ZMYM2: variants seen among roughly 807,000 people sequenced by gnomAD.
ZMYM2 encodes zinc finger MYM-type protein 2.
A neutral mutation model predicts 162.8 loss-of-function variants in ZMYM2; 56 were observed. That is an observed-to-expected ratio of 0.34 (90% CI 0.28 to 0.43). The LOEUF is 0.43. Among genes scored for constraint, ZMYM2 ranks in the 20% least tolerant of loss-of-function variants. ZMYM2 has a pLI of 1.00. For missense variants in ZMYM2, 1,275 were observed against 1,621.8 expected (o/e 0.79, Z 3.67); for synonymous variants, 510 against 541.6 (o/e 0.94, Z 0.81).
chr13:20,068,905 A>T (rs1355547628), intron 21 of ZMYM2, among the ~76,000 whole-genome samples: 1 of 152,064 alleles, frequency 6.6e-6, no homozygotes, highest in Non-Finnish European at 1.5e-5. Context: ...TTATGTATGG[A>T]ATTTCATTTA....
chr13:20,052,377 C>T (rs775831181), intron 14 of ZMYM2, 66 bp downstream of exon 14: 17 of 1,429,952 alleles, frequency 1.2e-5, no homozygotes, highest in Non-Finnish European at 1.5e-5. Context: ...AATAATTAGG[C>T]CAATTTAATG....
intron 14 of ZMYM2, among the ~76,000 whole-genome samples, chr13:20,055,986 A>G (rs534048495): frequency 1.3e-5 from 2 of 152,322 alleles, no homozygotes; most frequent in African/African-American, 4.8e-5. Context: ...AATACCTACG[A>G]AGTGTTATAC....
chr13:20,001,145 A>G (rs1439711598), intron 3 of ZMYM2, among the ~76,000 whole-genome samples: 3 of 152,222 alleles, frequency 2.0e-5, no homozygotes, highest in Non-Finnish European at 4.4e-5. Context: ...TAATCCCAGC[A>G]CTTTGGGTGA....
intron 12 of ZMYM2, among the ~76,000 whole-genome samples, chr13:20,050,604 CTT>C (rs1475653759): frequency 1.4e-4 from 21 of 151,996 alleles, no homozygotes; most frequent in Admixed American, 7.2e-4. Flanking sequence ...AGATACATCA[CTT>C]ATATTTTCGT....
chr13:20,075,760 C>T (rs1957452028), intron 21 of ZMYM2, among the ~76,000 whole-genome samples: 1 of 136,840 alleles, frequency 7.3e-6, no homozygotes, highest in South Asian at 2.3e-4. Context: ...CGGCTTAATG[C>T]AATCTCCGCT....
intron 2 of ZMYM2, among the ~76,000 whole-genome samples, chr13:19,966,127 TTTTTGTTTTG>T (rs201021332): frequency 1.4e-4 from 21 of 147,496 alleles, no homozygotes; most frequent in South Asian, 4.3e-4. Context: ...TTTTTTTTTG[TTTTTGTTTTG>T]TTTTGTTTTG....
intron 10 of ZMYM2, among the ~76,000 whole-genome samples, chr13:20,033,180 A>C (rs1343192647): frequency 6.6e-6 from 1 of 152,078 alleles, no homozygotes; most frequent in Non-Finnish European, 1.5e-5. Context: ...ATACAGAATA[A>C]TAGTGTCATA....
chr13:19,883,298 T>TG, the ZMYM2 span, among the ~76,000 whole-genome samples: 1 of 152,200 alleles, frequency 6.6e-6, no homozygotes, highest in Non-Finnish European at 1.5e-5. Context: ...TTTGGGATGA[T>TG]GAAAATGTTT....
chr13:20,067,431 A>C (rs1593208312), intron 21 of ZMYM2, 41 bp downstream of exon 21: 1 of 1,531,192 alleles, frequency 6.5e-7, no homozygotes, highest in East Asian at 2.3e-5. Flanking sequence ...AACATTAATA[A>C]GAAAAGTTGT....
the ZMYM2 span, among the ~76,000 whole-genome samples, chr13:19,885,878 TACAC>T: frequency 2.8e-5 from 3 of 107,346 alleles, 1 homozygote; most frequent in African/African-American, 1.3e-4. Flanking sequence ...TATATGTATA[TACAC>T]ATATATATGT....
the ZMYM2 span, among the ~76,000 whole-genome samples, chr13:19,889,398 A>G: frequency 6.6e-6 from 1 of 151,926 alleles, no homozygotes; most frequent in Non-Finnish European, 1.5e-5. Flanking sequence ...GGCTCACTGC[A>G]ACCTCTGCCT....
intron 10 of ZMYM2, among the ~76,000 whole-genome samples, chr13:20,031,865 G>GTTTTTTT (rs10642086): frequency 7.7e-5 from 10 of 130,252 alleles, no homozygotes; most frequent in Non-Finnish European, 1.2e-4. Flanking sequence ...TTCTGTAATT[G>GTTTTTTT]TTTTTTTTTT....
intron 2 of ZMYM2, among the ~76,000 whole-genome samples, chr13:19,976,713 T>A (rs1956827971): frequency 1.3e-5 from 2 of 152,268 alleles, no homozygotes; most frequent in African/African-American, 4.8e-5. Flanking sequence ...TCCTCATGGT[T>A]CTACGTTATA....
At chr13:19,934,443 C>T in the ZMYM2 span, among the ~76,000 whole-genome samples, 1 of 152,126 alleles carries the variant, frequency 6.6e-6, no homozygotes, top group East Asian at 1.9e-4. Flanking sequence ...CAAGCATGAG[C>T]CACCAAACCT....
chr13:19,884,691 C>T, the ZMYM2 span, among the ~76,000 whole-genome samples: 1 of 152,160 alleles, frequency 6.6e-6, no homozygotes, highest in Non-Finnish European at 1.5e-5. Context: ...GTCCGGACTT[C>T]GTTCCTTGCG....
At chr13:20,003,377 G>A (rs1400902834) in intron 4 of ZMYM2, among the ~76,000 whole-genome samples, 1 of 152,144 alleles carries the variant, frequency 6.6e-6, no homozygotes, top group Non-Finnish European at 1.5e-5. Context: ...TTATTTACAT[G>A]ATTAATGAGA....
At chr13:19,973,714 G>GA (rs973285992) in intron 2 of ZMYM2, among the ~76,000 whole-genome samples, 4 of 143,108 alleles carry the variant, frequency 2.8e-5, no homozygotes, top group Admixed American at 6.9e-5. Flanking sequence ...ACAAAAAACA[G>GA]AAAAAAAACC....
chr13:20,032,146 C>T (rs1341609029), intron 10 of ZMYM2, among the ~76,000 whole-genome samples: 1 of 152,170 alleles, frequency 6.6e-6, no homozygotes, highest in Non-Finnish European at 1.5e-5. Context: ...GCTGGGATTA[C>T]AGGCATGAGC....
the ZMYM2 span, among the ~76,000 whole-genome samples, chr13:19,924,288 G>A: frequency 6.6e-6 from 1 of 152,142 alleles, no homozygotes; most frequent in East Asian, 1.9e-4. Flanking sequence ...TTTCCGGCCA[G>A]GCACGGTGGC....
Sources: allele counts gnomAD v4.1 joint callset (sites outside exome capture counted in the v4.1 genomes callset), GRCh38; gene constraint gnomAD v4.1.1; transcripts MANE v1.5; gene names NCBI Gene and HGNC (gene_info 2026-07-23, HGNC 2026-07-21).